Variants in TTC22 observed in about 807,000 individuals in gnomAD.
TTC22 encodes tetratricopeptide repeat domain 22.
A neutral mutation model predicts 48.2 loss-of-function variants in TTC22; 42 were observed. That is an observed-to-expected ratio of 0.87 (90% CI 0.68 to 1.13). TTC22 has a LOEUF of 1.13. TTC22 is among the 50% of genes most tolerant of loss of function. The pLI, the probability that TTC22 is intolerant of heterozygous loss-of-function variation, is 0.00. For synonymous variants in TTC22, 345 were observed against 365.5 expected (o/e 0.94, Z 0.64); for missense variants, 784 against 807.0 (o/e 0.97, Z 0.34).
chr1:54,790,584 A>T (rs1646341931), intron 1 of TTC22, among the ~76,000 whole-genome samples: 1 of 152,196 alleles, frequency 6.6e-6, no homozygotes, highest in Non-Finnish European at 1.5e-5. Context: ...AACACTTCCC[A>T]AAGCAAAAGG....
At chr1:54,786,784 C>T in intron 4 of TTC22, 173 bp downstream of exon 4, 1 of 423,172 alleles carries the variant, frequency 2.4e-6, no homozygotes, top group Non-Finnish European at 4.2e-6. Flanking sequence ...TGGGGAGGGT[C>T]TCTTTTGTTT....
chr1:54,788,440 C>T (rs1011850543), intron 1 of TTC22, among the ~76,000 whole-genome samples: 3 of 152,020 alleles, frequency 2.0e-5, no homozygotes, highest in Non-Finnish European at 4.4e-5. Context: ...ACCGGCCTCC[C>T]GTTTGGTGCC....
At chr1:54,787,192 T>C in intron 3 of TTC22, 117 bp from the exon 4 acceptor site, 2 of 567,712 alleles carry the variant, frequency 3.5e-6, no homozygotes, top group Non-Finnish European at 6.1e-6. Flanking sequence ...TAGAGTGGGA[T>C]CACTGAGGGC....
intron 1 of TTC22, among the ~76,000 whole-genome samples, chr1:54,792,101 C>CAG (rs1646356357): frequency 2.0e-5 from 3 of 152,222 alleles, no homozygotes; most frequent in Non-Finnish European, 4.4e-5. Context: ...CCTGGTGGCA[C>CAG]TATGCCTGAA....
At chr1:54,796,840 C>T (rs978004823) in intron 1 of TTC22, among the ~76,000 whole-genome samples, 4 of 152,058 alleles carry the variant, frequency 2.6e-5, no homozygotes, top group African/African-American at 4.8e-5. Context: ...TTCAGCTCTA[C>T]GTCAGACATT....
Position 54,790,019 on chromosome 1 carries a change from C to T in TTC22, c.568-1922G>A, listed in dbSNP as rs114866607. On this transcript the variant is annotated intron_variant, in intron 1 of 6. Coordinates refer to ENST00000371276, the MANE Select transcript of TTC22 (RefSeq NM_001114108.2). ...AGCAGGCGCATAATCAGGAGGGGCC[C>T]CTGAGTACCAGGGTCAGGACTTGGA... Among the ~76,000 whole-genome samples the T allele has an allele frequency of 3.9e-3, 591 of 152,120 alleles. 3 individuals carry two copies. The highest frequency in any genetic ancestry group is 0.014 in the African/African-American group (572 of 41,490).
chr1:54,784,944 TCA>T, intron 5 of TTC22: 3 of 328,290 alleles, frequency 9.1e-6, no homozygotes, highest in Non-Finnish European at 1.6e-5. Context: ...GTGGACTGCA[TCA>T]AGAGACAGTG....
In TTC22 at chr1:54,801,232, T is replaced by G; in HGVS notation, c.-69A>C. 6.7e-7 allele frequency: 1 copy of G among 1,492,290 alleles called. No homozygotes were observed. Among genetic ancestry groups the G allele is most frequent in the Non-Finnish European group, 9.1e-7 (1 of 1,097,478 alleles). The allele number at this position is 1,492,290 out of a possible 1,614,324, so 92.4% of individuals were successfully genotyped here. A position where few individuals can be genotyped will look rare whatever the true frequency, so the allele number is the denominator to read the frequency against. On this transcript the variant is annotated 5_prime_UTR_variant, in exon 1 of 7. Coordinates refer to ENST00000371276, the MANE Select transcript of TTC22 (RefSeq NM_001114108.2). ...CTGTGGAGGGCAGTGGATGGGGGCG[T>G]TCCCCGAGCGAGCTCCGTGCGGGAG...
intron 1 of TTC22, among the ~76,000 whole-genome samples, chr1:54,799,018 T>A (rs1646412601): frequency 6.6e-6 from 1 of 152,228 alleles, no homozygotes; most frequent in African/African-American, 2.4e-5. Context: ...GAGCACCTAC[T>A]CTGCCAGGTG....
chr1:54,798,894 C>A (rs1436967348), intron 1 of TTC22, among the ~76,000 whole-genome samples: 1 of 152,216 alleles, frequency 6.6e-6, no homozygotes, highest in Non-Finnish European at 1.5e-5. Context: ...CGACAAGTGA[C>A]TTGTCCACAG....
chr1:54,800,480 G>A, intron 1 of TTC22, 117 bp downstream of exon 1: 1 of 966,780 alleles, frequency 1.0e-6, no homozygotes, highest in South Asian at 1.9e-5. Flanking sequence ...CATTTGGGAG[G>A]CCAAAAGACC....
chr1:54,786,847 G>T (rs1238898939), intron 4 of TTC22, 110 bp downstream of exon 4: 9 of 498,838 alleles, frequency 1.8e-5, no homozygotes, highest in South Asian at 3.4e-5. Flanking sequence ...CTTCCTGGGT[G>T]GGCCACGCGG....
chr1:54,786,635 C>T, intron 4 of TTC22: 1 of 294,838 alleles, frequency 3.4e-6, no homozygotes, highest in Non-Finnish European at 6.2e-6. Flanking sequence ...ACCAGCTAAA[C>T]CCATCTTTCT....
intron 5 of TTC22, chr1:54,784,783 G>T: frequency 6.2e-6 from 8 of 1,297,642 alleles, no homozygotes; most frequent in Non-Finnish European, 8.1e-6. Context: ...TCTTCGGCTT[G>T]CAGTGAAGTA....
At chr1:54,785,555 G>C in intron 5 of TTC22, 1 of 452,746 alleles carries the variant, frequency 2.2e-6, no homozygotes, top group South Asian at 1.6e-5. Flanking sequence ...CTCACACCTG[G>C]AATTCCAGCA....
chr1:54,797,572 C>T (rs1001033430), intron 1 of TTC22, among the ~76,000 whole-genome samples: 5 of 152,032 alleles, frequency 3.3e-5, no homozygotes, highest in Admixed American at 6.6e-5. Context: ...TGCTTGAACC[C>T]GGGAGGCAGA....
In TTC22 at chr1:54,800,705, C is replaced by T; in HGVS notation, c.459G>A (p.Gln153=). ...CGACGTCGAAGCCATGCGCGTAGCC[C>T]TGCTCGGCCAGGCAGCGAGCGGCGC... ...QLRAARCLAE[Q]GYAHGFDVGC... Residue 153 remains glutamine (Q), a synonymous_variant, in exon 1 of 7, where the codon CAG becomes CAA. Coordinates refer to ENST00000371276, the MANE Select transcript of TTC22 (RefSeq NM_001114108.2). 1 of 1,547,442 alleles carries T rather than the reference C, an allele frequency of 6.5e-7. No homozygotes were observed. Among genetic ancestry groups the T allele is most frequent in the East Asian group, 2.4e-5 (1 of 41,422 alleles).
intron 3 of TTC22, 97 bp downstream of exon 3, chr1:54,787,614 G>A: frequency 1.2e-6 from 1 of 867,912 alleles, no homozygotes; most frequent in Non-Finnish European, 1.9e-6. Flanking sequence ...AGAAACAGGA[G>A]CCAAGAAGGG....
chr1:54,786,323 C>T (rs1358072155), intron 4 of TTC22, 179 bp from the exon 5 acceptor site: 11 of 573,560 alleles, frequency 1.9e-5, no homozygotes, highest in Admixed American at 3.1e-5. Context: ...AGCCCCAACA[C>T]CTTGGGGCAC....
Sources: gnomAD v4.1 joint callset for allele counts (sites outside exome capture counted in the v4.1 genomes callset) on GRCh38, gnomAD v4.1.1 for gene constraint, MANE v1.5 for transcripts, NCBI Gene and HGNC (gene_info 2026-07-23, HGNC 2026-07-21) for gene names.